The following AGBL4 variants were observed in gnomAD, a reference collection of about 807,000 sequenced individuals.
AGBL4 encodes AGBL carboxypeptidase 4.
AGBL4 carries 58 observed loss-of-function variants against 66.4 expected under a neutral mutation model. The ratio of observed to expected loss-of-function variants is 0.87; its 90% CI spans 0.71 to 1.09. The LOEUF (loss-of-function observed/expected upper bound fraction) is 1.09. Ranked by LOEUF, AGBL4 falls within the 50% of genes least tolerant of loss-of-function variation. The pLI is 0.00. For missense variants in AGBL4, 579 were observed against 631.0 expected (o/e 0.92, Z 0.88); for synonymous variants, 234 against 222.9 (o/e 1.05, Z -0.44).
intron 5 of AGBL4, among the ~76,000 whole-genome samples, chr1:48,961,515 G>A (rs1197171071): frequency 6.6e-6 from 1 of 152,208 alleles, no homozygotes; most frequent in Non-Finnish European, 1.5e-5. Context: ...CTGTGTGTTG[G>A]CGCAGAAGTG....
At chr1:48,598,551 C>CCTCCTAAA (rs1404610708) in intron 9 of AGBL4, among the ~76,000 whole-genome samples, 3 of 151,828 alleles carry the variant, frequency 2.0e-5, no homozygotes, top group Non-Finnish European at 4.4e-5. Context: ...CCAAGGCAGG[C>CCTCCTAAA]GGATCAATTG....
intron 2 of AGBL4, among the ~76,000 whole-genome samples, chr1:49,834,428 A>C (rs954935488): frequency 1.3e-5 from 2 of 152,112 alleles, no homozygotes; most frequent in Non-Finnish European, 2.9e-5. Flanking sequence ...CTGTGGTGAT[A>C]TCCCCTTTAT....
chr1:49,680,807 T>G (rs1226684553), intron 3 of AGBL4, among the ~76,000 whole-genome samples: 1 of 152,106 alleles, frequency 6.6e-6, no homozygotes, highest in Non-Finnish European at 1.5e-5. Context: ...TCAGCTCCAG[T>G]CTCTTTCTCC....
intron 6 of AGBL4, among the ~76,000 whole-genome samples, chr1:48,707,417 G>A (rs1557892796): frequency 6.6e-6 from 1 of 152,186 alleles, no homozygotes; most frequent in African/African-American, 2.4e-5. Flanking sequence ...CCCACTCAGA[G>A]CCATAACAGC....
intron 2 of AGBL4, among the ~76,000 whole-genome samples, chr1:49,760,408 T>G (rs1652217142): frequency 6.6e-6 from 1 of 152,022 alleles, no homozygotes; most frequent in African/African-American, 2.4e-5. Context: ...GGCCAACACA[T>G]GTATGAAAAA....
At position 48,939,645 on chromosome 1, in the gene AGBL4, C is replaced by T. The variant is rs74541585; in HGVS notation, c.595-72415G>A. Among the ~76,000 whole-genome samples, 92 of 152,248 alleles carry T rather than the reference C, an allele frequency of 6.0e-4. No homozygotes were observed. The East Asian group carries it at 0.016, about 27-fold the overall frequency. On this transcript the variant is annotated intron_variant, in intron 5 of 13. Transcript: ENST00000371839. The stretch of plus-strand genomic sequence containing the variant: ...TATCCCTGACGCAACTGAATGCCTC[C>T]GTGATATAGCCAAGATGAAGCAAAT...
At chr1:49,983,655 A>C (rs1659264603) in intron 1 of AGBL4, among the ~76,000 whole-genome samples, 1 of 152,288 alleles carries the variant, frequency 6.6e-6, no homozygotes, top group African/African-American at 2.4e-5. Context: ...CCGTAACATT[A>C]GTAAGATTAG....
chr1:49,380,773 G>T (rs1644586179), intron 3 of AGBL4, among the ~76,000 whole-genome samples: 1 of 152,140 alleles, frequency 6.6e-6, no homozygotes, highest in Admixed American at 6.6e-5. Flanking sequence ...AAATGGTGCT[G>T]GGAAAACTGG....
chr1:49,600,545 G>C (rs879142847), intron 3 of AGBL4, among the ~76,000 whole-genome samples: 3 of 152,090 alleles, frequency 2.0e-5, no homozygotes, highest in Admixed American at 6.6e-5. Flanking sequence ...AACACCGATG[G>C]GTCTTGACTC....
At chr1:49,747,843 T>A (rs994123732) in intron 2 of AGBL4, among the ~76,000 whole-genome samples, 1 of 152,004 alleles carries the variant, frequency 6.6e-6, no homozygotes. Flanking sequence ...CTATTCAATT[T>A]GACACAATAA....
In AGBL4 at chr1:48,539,657, G is replaced by A; in HGVS notation, c.1349C>T (p.Pro450Leu). 1 of 1,541,502 alleles carries A rather than the reference G, an allele frequency of 6.5e-7. No homozygotes were observed. The highest frequency in any genetic ancestry group is 8.8e-7 in the Non-Finnish European group (1 of 1,140,984). Residue 450 changes from proline to leucine, a missense_variant, in exon 12 of 14, where the codon CCC becomes CTC. Transcript: ENST00000371839. The part of the protein sequence containing the change: ...LNPVVEKVAI[P>L]MPRLRNKEIE... Reference sequence around the variant, plus strand: ...TGCCACTTACCGCAGTCTCGGCATGGGAATTGCCACCTTTTCAACCACGGG... The same window carrying A: ...TGCCACTTACCGCAGTCTCGGCATGAGAATTGCCACCTTTTCAACCACGGG...
Position 48,590,554 on chromosome 1 carries a change from T to TCAAAA in AGBL4, c.1104+274_1104+278dup, listed in dbSNP as rs573418805. On this transcript the variant is annotated intron_variant, in intron 10 of 13. Coordinates refer to ENST00000371839, the MANE Select transcript of AGBL4 (RefSeq NM_032785.4). ...CTGAGTGACAGAGCGAGATCCTGTC[T>TCAAAA]CAAAACAAAACAAAACAAAAACCCC... Among the ~76,000 whole-genome samples the TCAAAA allele has an allele frequency of 1.5e-3, 235 of 152,050 alleles. 3 individuals carry two copies. The South Asian group carries it at 0.041, about 27-fold the overall frequency.
chr1:48,723,654 G>A (rs373467417), intron 6 of AGBL4, among the ~76,000 whole-genome samples: 9 of 152,218 alleles, frequency 5.9e-5, no homozygotes, highest in African/African-American at 2.2e-4. Context: ...CTACGAAGAA[G>A]TAGCCAAACT....
At chr1:49,721,709 C>T (rs551613147) in intron 2 of AGBL4, among the ~76,000 whole-genome samples, 36 of 152,036 alleles carry the variant, frequency 2.4e-4, no homozygotes, top group African/African-American at 8.7e-4. Context: ...TGCAAAAGGC[C>T]AAGCAAGAAT....
At chr1:49,568,958 G>A (rs1644271538) in intron 3 of AGBL4, among the ~76,000 whole-genome samples, 1 of 152,100 alleles carries the variant, frequency 6.6e-6, no homozygotes, top group Non-Finnish European at 1.5e-5. Context: ...GTTTATGATA[G>A]CTAAAATTTG....
At chr1:49,671,262 G>A (rs1558150259) in intron 3 of AGBL4, among the ~76,000 whole-genome samples, 1 of 152,112 alleles carries the variant, frequency 6.6e-6, no homozygotes, top group Non-Finnish European at 1.5e-5. Context: ...AAATAGTGCT[G>A]GGATAACTGG....
At chr1:49,787,445 G>T (rs1020201376) in intron 2 of AGBL4, among the ~76,000 whole-genome samples, 1 of 151,142 alleles carries the variant, frequency 6.6e-6, no homozygotes, top group Non-Finnish European at 1.5e-5. Context: ...GGAGCTTGCA[G>T]CGAGCCGAGA....
chr1:49,122,151 AC>A (rs1267125387), intron 4 of AGBL4, among the ~76,000 whole-genome samples: 13 of 151,936 alleles, frequency 8.6e-5, no homozygotes, highest in African/African-American at 3.1e-4. Context: ...AAATCCCTCA[AC>A]CCCTTGCACT....
intron 6 of AGBL4, among the ~76,000 whole-genome samples, chr1:48,769,969 A>T (rs1285870477): frequency 2.0e-5 from 3 of 152,202 alleles, no homozygotes; most frequent in South Asian, 4.1e-4. Flanking sequence ...TCTAGAAGTC[A>T]TCTAACCAAA....
Sources: allele counts gnomAD v4.1 joint callset (sites outside exome capture counted in the v4.1 genomes callset), GRCh38; gene constraint gnomAD v4.1.1; transcripts MANE v1.5; gene names NCBI Gene and HGNC (gene_info 2026-07-23, HGNC 2026-07-21).